Variants in HS3ST4 observed in about 807,000 individuals in gnomAD.
HS3ST4 encodes heparan sulfate glucosamine 3-O-sulfotransferase 4.
Under a neutral mutation model 29.2 loss-of-function variants are expected in HS3ST4, and 17 were observed. The observed-to-expected ratio is 0.58, with a 90% CI of 0.40 to 0.87. The LOEUF is 0.87. Ranked by LOEUF, HS3ST4 falls within the 40% of genes least tolerant of loss-of-function variation. HS3ST4 has a pLI of 0.00. For missense variants in HS3ST4, 627 were observed against 634.5 expected, an observed-to-expected ratio of 0.99 and a Z score of 0.13; for synonymous variants, 314 against 285.7, an observed-to-expected ratio of 1.10 and a Z score of -1.00.
intron 1 of HS3ST4, among the ~76,000 whole-genome samples, chr16:25,949,156 A>G (rs1011196811): frequency 6.6e-6 from 1 of 152,014 alleles, no homozygotes; most frequent in Non-Finnish European, 1.5e-5. Flanking sequence ...TGTTTATTAC[A>G]CATCGTGGAG....
intron 1 of HS3ST4, among the ~76,000 whole-genome samples, chr16:25,957,575 T>C (rs1242704159): frequency 2.0e-5 from 3 of 152,044 alleles, no homozygotes; most frequent in Non-Finnish European, 2.9e-5. Context: ...AGGCCACCAC[T>C]CACCGCTAAT....
intron 1 of HS3ST4, among the ~76,000 whole-genome samples, chr16:25,900,259 G>A (rs111321672): frequency 0.081 from 12,334 of 152,068 alleles, 676 homozygotes; most frequent in Non-Finnish European, 0.11. Flanking sequence ...TCCCGAGCTT[G>A]GATCCTTAAT....
chr16:25,800,844 G>A (rs778595920), intron 1 of HS3ST4, among the ~76,000 whole-genome samples: 3 of 152,076 alleles, frequency 2.0e-5, no homozygotes, highest in Admixed American at 1.3e-4. Context: ...TTTTGAGGAT[G>A]GAGCAAGAAA....
intron 1 of HS3ST4, among the ~76,000 whole-genome samples, chr16:25,959,223 T>C (rs6497904): frequency 0.82 from 124,418 of 152,172 alleles, 51,361 homozygotes; most frequent in African/African-American, 0.94. Flanking sequence ...CCGTTCCTCT[T>C]GAGGGGAGGA....
chr16:26,107,349 C>CAA (rs925172143), intron 1 of HS3ST4, among the ~76,000 whole-genome samples: 2 of 73,676 alleles, frequency 2.7e-5, no homozygotes, highest in Non-Finnish European at 3.3e-5. Context: ...GATTGGCATA[C>CAA]AAACACACAC....
intron 1 of HS3ST4, among the ~76,000 whole-genome samples, chr16:25,990,635 T>C (rs911938527): frequency 3.9e-5 from 6 of 152,240 alleles, no homozygotes; most frequent in Admixed American, 2.0e-4. Context: ...ATCTTCACTG[T>C]AACCCATGAT....
chr16:25,982,113 G>A (rs575188158), intron 1 of HS3ST4, among the ~76,000 whole-genome samples: 6 of 152,290 alleles, frequency 3.9e-5, no homozygotes, highest in Admixed American at 1.3e-4. Flanking sequence ...ACACCAACAG[G>A]TTCCACCTTT....
intron 1 of HS3ST4, among the ~76,000 whole-genome samples, chr16:25,857,966 TTCTTTCTCTTTTCTG>T (rs1567257214): frequency 0.032 from 1,949 of 60,636 alleles, 89 homozygotes; most frequent in African/African-American, 0.13. Context: ...CTTTCTTTCT[TTCTTTCTCTTTTCTG>T]TCTTTCTTTT....
At chr16:25,915,873 C>T (rs1968288610) in intron 1 of HS3ST4, among the ~76,000 whole-genome samples, 1 of 152,190 alleles carries the variant, frequency 6.6e-6, no homozygotes, top group African/African-American at 2.4e-5. Flanking sequence ...TTCTCCAAGA[C>T]TCAGTTCCAT....
chr16:26,067,510 C>A (rs537173045), intron 1 of HS3ST4, among the ~76,000 whole-genome samples: 1 of 151,732 alleles, frequency 6.6e-6, no homozygotes, highest in South Asian at 2.1e-4. Flanking sequence ...CCACCCCCCA[C>A]CCCAGCCACC....
At chr16:26,003,152 G>A (rs1415087835) in intron 1 of HS3ST4, among the ~76,000 whole-genome samples, 1 of 152,132 alleles carries the variant, frequency 6.6e-6, no homozygotes, top group Non-Finnish European at 1.5e-5. Flanking sequence ...TTGGCTGACA[G>A]AACTAACAAC....
chr16:26,124,506 A>G (rs1338032238), intron 1 of HS3ST4, among the ~76,000 whole-genome samples: 1 of 152,218 alleles, frequency 6.6e-6, no homozygotes, highest in East Asian at 1.9e-4. Flanking sequence ...CTCAGATCCC[A>G]TGAAGGAAAA....
intron 1 of HS3ST4, among the ~76,000 whole-genome samples, chr16:25,742,024 G>A (rs940117263): frequency 1.3e-5 from 2 of 152,134 alleles, no homozygotes; most frequent in African/African-American, 2.4e-5. Context: ...TCTCATTACT[G>A]GGAAATTATA....
intron 1 of HS3ST4, among the ~76,000 whole-genome samples, chr16:26,048,512 A>C (rs1898296227): frequency 6.6e-6 from 1 of 152,232 alleles, no homozygotes; most frequent in Non-Finnish European, 1.5e-5. Flanking sequence ...ACTAGGACAC[A>C]GCATTCAACA....
chr16:25,769,457 T>C (rs1296607507), intron 1 of HS3ST4, among the ~76,000 whole-genome samples: 1 of 152,190 alleles, frequency 6.6e-6, no homozygotes, highest in African/African-American at 2.4e-5. Flanking sequence ...CAGGGCCCTT[T>C]GAGTGGCTGT....
chr16:25,865,829 G>A (rs1291950282), intron 1 of HS3ST4, among the ~76,000 whole-genome samples: 1 of 151,644 alleles, frequency 6.6e-6, no homozygotes, highest in East Asian at 1.9e-4. Flanking sequence ...AACTCAAAAG[G>A]GATTAAAGAC....
At chr16:26,050,508 G>A (rs931924046) in intron 1 of HS3ST4, among the ~76,000 whole-genome samples, 22 of 152,118 alleles carry the variant, frequency 1.4e-4, no homozygotes, top group Admixed American at 3.9e-4. Context: ...AGCAAATAGC[G>A]AATGATAAAT....
At chr16:26,029,819 T>C (rs563202873) in intron 1 of HS3ST4, among the ~76,000 whole-genome samples, 11 of 152,326 alleles carry the variant, frequency 7.2e-5, no homozygotes, top group Admixed American at 7.2e-4. Flanking sequence ...TGTTTCCTGG[T>C]CATTCACCAC....
chr16:25,929,635 G>A (rs963804210), intron 1 of HS3ST4, among the ~76,000 whole-genome samples: 2 of 152,194 alleles, frequency 1.3e-5, no homozygotes, highest in East Asian at 1.9e-4. Context: ...CTCTGTGGAC[G>A]CATTTGGAGG....
Sources: allele counts gnomAD v4.1 joint callset (sites outside exome capture counted in the v4.1 genomes callset), GRCh38; gene constraint gnomAD v4.1.1; transcripts MANE v1.5; gene names NCBI Gene and HGNC (gene_info 2026-07-23, HGNC 2026-07-21).